JAK1: variants seen among roughly 807,000 people sequenced by gnomAD.
The protein encoded by JAK1 is tyrosine-protein kinase JAK1.
Under a neutral mutation model 136.6 loss-of-function variants are expected in JAK1, and 16 were observed. The ratio of observed to expected loss-of-function variants is 0.12; its 90% confidence interval spans 0.08 to 0.18. The LOEUF (loss-of-function observed/expected upper bound fraction) is 0.18. JAK1 is among the 10% of genes least tolerant of loss of function. The probability of loss-of-function intolerance (pLI) is 1.00; values close to 1 mark genes in which losing one functional copy is unlikely to be tolerated. For synonymous variants in JAK1, 492 were observed against 519.5 expected (o/e 0.95, Z 0.72); for missense variants, 859 against 1,450.1 (o/e 0.59, Z 6.62).
intron 1 of JAK1, among the ~76,000 whole-genome samples, chr1:64,921,132 C>T (rs1423743799): frequency 3.3e-5 from 5 of 152,114 alleles, no homozygotes; most frequent in African/African-American, 1.2e-4. Context: ...ATGACTCACA[C>T]ATCTGAATAT....
rs549743581 is a variant in JAK1 at position 65,008,966 on chromosome 1, G to A, written c.-78+35514C>T. 1.3e-4 allele frequency among the ~76,000 whole-genome samples: 20 copies of A among 152,226 alleles called. No homozygotes were observed. In the South Asian group the frequency reaches 1.9e-3, roughly 14 times the overall value. ...CTCTAGAAGTGCTGGGATTTCAGGC[G>A]TGAGCCACTGCACATGGCCCTTGTA... is the stretch of plus-strand genomic sequence containing the variant. On this transcript the variant is annotated intron_variant, in intron 2 of 25. Coordinates refer to the JAK1 transcript ENST00000671954.
chr1:64,867,486 GC>G (rs1414994953), intron 6 of JAK1, among the ~76,000 whole-genome samples: 1 of 152,202 alleles, frequency 6.6e-6, no homozygotes, highest in Non-Finnish European at 1.5e-5. Context: ...CCAAGGCAGG[GC>G]ATCTACATTT....
chr1:64,891,575 A>T (rs954585821), intron 1 of JAK1, among the ~76,000 whole-genome samples: 5 of 152,148 alleles, frequency 3.3e-5, no homozygotes, highest in Non-Finnish European at 7.3e-5. Flanking sequence ...GCCTCCTAAC[A>T]GCCTAACCTA....
chr1:64,953,817 G>A (rs555456892), intron 1 of JAK1, among the ~76,000 whole-genome samples: 9 of 152,078 alleles, frequency 5.9e-5, no homozygotes, highest in African/African-American at 9.6e-5. Context: ...GTGCTGCCAC[G>A]CCCAGCTAAT....
At chr1:65,021,951 T>C (rs1369735568) in intron 2 of JAK1, among the ~76,000 whole-genome samples, 7 of 152,184 alleles carry the variant, frequency 4.6e-5, no homozygotes, top group African/African-American at 1.7e-4. Context: ...TACAGCTGTG[T>C]CTTATCACTG....
At chr1:64,962,051 C>T (rs1007272968) in intron 1 of JAK1, among the ~76,000 whole-genome samples, 5 of 152,138 alleles carry the variant, frequency 3.3e-5, no homozygotes, top group African/African-American at 1.2e-4. Flanking sequence ...ATGAAGGGTT[C>T]TAGGAAACAT....
At chr1:64,959,032 T>C (rs764628427) in intron 1 of JAK1, among the ~76,000 whole-genome samples, 4 of 152,204 alleles carry the variant, frequency 2.6e-5, no homozygotes, top group Non-Finnish European at 5.9e-5. Context: ...CCACTCCCCC[T>C]CCATACAAAT....
intron 1 of JAK1, chr1:65,066,903 G>C (rs1648074651): frequency 6.6e-6 from 1 of 152,394 alleles, no homozygotes. Flanking sequence ...GGAAAAGCGA[G>C]TGCGCAACAT....
chr1:64,860,419 CATTTATTTATTTATTTATTT>C (rs3051564), intron 8 of JAK1, among the ~76,000 whole-genome samples, 157 bp from the exon 9 acceptor site: 2 of 73,914 alleles, frequency 2.7e-5, no homozygotes, highest in South Asian at 3.8e-4. Flanking sequence ...CCCTTGCATG[CATTTATTTATTTATTTATTT>C]ATTTATTTAT....
chr1:64,948,802 C>T (rs995657125), intron 1 of JAK1, among the ~76,000 whole-genome samples: 7 of 152,224 alleles, frequency 4.6e-5, no homozygotes, highest in Non-Finnish European at 1.0e-4. Context: ...AGCCATTTAA[C>T]ATGGCTTCCA....
intron 2 of JAK1, among the ~76,000 whole-genome samples, chr1:64,977,491 A>T (rs1347542719): frequency 2.1e-5 from 3 of 144,926 alleles, no homozygotes; most frequent in African/African-American, 7.9e-5. Context: ...TGCTCTGTGG[A>T]GCAATCTTGG....
Position 64,838,452 on chromosome 1 carries a change from CTTTA to C in JAK1, c.2967+9_2967+12del, listed in dbSNP as rs770781589. The C allele has an allele frequency of 2.5e-6, 4 of 1,613,186 alleles. No individual in the cohort carries two copies. In the Admixed American group the frequency reaches 6.7e-5, roughly 27 times the overall value. On this transcript the variant is annotated intron_variant, in intron 21 of 24. Transcript: ENST00000342505. Reference sequence around the variant, plus strand: ...GATGTCTTAATCTGTAACATGATGTCTTTATTTTTTACCTTACAAATCTGAACGG... The same window carrying C: ...GATGTCTTAATCTGTAACATGATGTCTTTTTTACCTTACAAATCTGAACGG...
intron 2 of JAK1, among the ~76,000 whole-genome samples, chr1:65,020,345 C>T (rs80046908): frequency 0.015 from 2,314 of 151,776 alleles, 46 homozygotes; most frequent in African/African-American, 0.054. Flanking sequence ...GAACTCTCAT[C>T]ACCAATCCAC....
In JAK1 at chr1:64,844,923, G is replaced by C. The variant is rs374347327; in HGVS notation, c.2116-34C>G. The C allele has an allele frequency of 6.2e-6, 10 of 1,613,492 alleles. No homozygotes were observed. The highest frequency in any genetic ancestry group is 2.2e-5 in the East Asian group (1 of 44,868). On this transcript the variant is annotated intron_variant, in intron 15 of 24. Coordinates refer to ENST00000342505, the MANE Select transcript of JAK1 (RefSeq NM_002227.4). This position sits in a 1 kb window ranked among gnomAD's most constrained non-coding sequence, Gnocchi z 5.7. ...TAAAAAGGTCAAGTTTAGCCAAGCT[G>C]CTCCTTCCCGCATTCTATTTCCAAC...
intron 2 of JAK1, among the ~76,000 whole-genome samples, chr1:64,975,372 A>G (rs1011302371): frequency 1.3e-5 from 2 of 152,238 alleles, no homozygotes; most frequent in African/African-American, 4.8e-5. Flanking sequence ...GCTGTCAGTC[A>G]GTCATGCTCC....
intron 5 of JAK1, among the ~76,000 whole-genome samples, chr1:64,870,719 C>G (rs956683455): frequency 6.6e-6 from 1 of 152,126 alleles, no homozygotes; most frequent in African/African-American, 2.4e-5. Flanking sequence ...TGCTCTCTTT[C>G]CCTGAAGAAC....
At chr1:64,913,167 G>A (rs1316779989) in intron 1 of JAK1, among the ~76,000 whole-genome samples, 6 of 152,242 alleles carry the variant, frequency 3.9e-5, no homozygotes, top group African/African-American at 1.2e-4. Flanking sequence ...GACTACAGGC[G>A]TGCACACCAT....
intron 1 of JAK1, among the ~76,000 whole-genome samples, chr1:65,063,662 G>A (rs1004789217): frequency 6.6e-6 from 1 of 151,964 alleles, no homozygotes. Flanking sequence ...AAAATCTGCC[G>A]GGCGTGGTGG....
chr1:64,864,662 C>T, intron 8 of JAK1, 125 bp downstream of exon 8: 1 of 778,466 alleles, frequency 1.3e-6, no homozygotes. Context: ...TTTTTGGCTT[C>T]AATAAGAAAA....
Sources: allele counts gnomAD v4.1 joint callset (sites outside exome capture counted in the v4.1 genomes callset), GRCh38; gene constraint gnomAD v4.1.1; non-coding constraint Gnocchi (gnomAD v3.1); transcripts MANE v1.5; gene names NCBI Gene and HGNC (gene_info 2026-07-23, HGNC 2026-07-21).